The following SUMF1 variants were observed in gnomAD, a reference collection of about 807,000 sequenced individuals.
SUMF1 encodes the protein sulfatase modifying factor 1.
Under a neutral mutation model 47.6 loss-of-function variants are expected in SUMF1, and 48 were observed. The ratio of observed to expected loss-of-function variants is 1.01; its 90% CI spans 0.80 to 1.28. The LOEUF is 1.28. Among genes scored for constraint, SUMF1 ranks in the 50% most tolerant of loss-of-function variants. The pLI is 0.00. For missense variants in SUMF1, 571 were observed against 485.4 expected, an observed-to-expected ratio of 1.18 and a Z score of -1.66; for synonymous variants, 230 against 192.1, an observed-to-expected ratio of 1.20 and a Z score of -1.63.
intron 8 of SUMF1, among the ~76,000 whole-genome samples, chr3:4,252,352 G>GCGCACACACA (rs1553613505): frequency 1.0e-4 from 13 of 129,672 alleles, no homozygotes; most frequent in African/African-American, 3.5e-4. Flanking sequence ...ACACACATGC[G>GCGCACACACA]CACACACACA....
intron 8 of SUMF1, among the ~76,000 whole-genome samples, chr3:4,069,257 A>G (rs1695458217): frequency 1.3e-5 from 2 of 152,154 alleles, no homozygotes; most frequent in Admixed American, 1.3e-4. Context: ...TGATCCGTGT[A>G]GGGTCTTAGG....
chr3:4,401,440 A>T (rs1701208794), intron 7 of SUMF1, among the ~76,000 whole-genome samples: 1 of 152,118 alleles, frequency 6.6e-6, no homozygotes, highest in African/African-American at 2.4e-5. Flanking sequence ...AAATCATTTT[A>T]AAAACACCCT....
At chr3:4,217,836 T>G (rs1226184987) in intron 8 of SUMF1, among the ~76,000 whole-genome samples, 1 of 150,654 alleles carries the variant, frequency 6.6e-6, no homozygotes, top group African/African-American at 2.4e-5. Context: ...AATTAAGTTG[T>G]ATACCAGCTG....
At chr3:4,280,893 T>C (rs1697516405) in intron 8 of SUMF1, among the ~76,000 whole-genome samples, 1 of 151,114 alleles carries the variant, frequency 6.6e-6, no homozygotes. Context: ...AACTTCTTTT[T>C]TTGATAAGGG....
At chr3:4,195,389 G>T (rs1038762394) in intron 8 of SUMF1, among the ~76,000 whole-genome samples, 1 of 152,046 alleles carries the variant, frequency 6.6e-6, no homozygotes, top group African/African-American at 2.4e-5. Flanking sequence ...GGTTCTCAAA[G>T]AACTTATTCA....
intron 8 of SUMF1, among the ~76,000 whole-genome samples, chr3:4,134,843 C>A (rs1441230133): frequency 6.6e-6 from 1 of 152,114 alleles, no homozygotes; most frequent in African/African-American, 2.4e-5. Flanking sequence ...ACTATAAACA[C>A]CTCTACACAA....
At chr3:4,180,192 G>A (rs1695061880) in intron 8 of SUMF1, among the ~76,000 whole-genome samples, 5 of 152,122 alleles carry the variant, frequency 3.3e-5, no homozygotes, top group African/African-American at 1.2e-4. Flanking sequence ...TCCCATTACT[G>A]GGTACATACC....
At chr3:4,209,462 T>C (rs1053037107) in intron 8 of SUMF1, among the ~76,000 whole-genome samples, 1 of 152,170 alleles carries the variant, frequency 6.6e-6, no homozygotes, top group Non-Finnish European at 1.5e-5. Context: ...TGAGAATACT[T>C]CTAAGATCCT....
intron 8 of SUMF1, among the ~76,000 whole-genome samples, chr3:4,106,515 A>G (rs934021408): frequency 6.6e-6 from 1 of 152,184 alleles, no homozygotes; most frequent in Admixed American, 6.5e-5. Context: ...TCAGAACAAT[A>G]TAACAGATAG....
intron 7 of SUMF1, among the ~76,000 whole-genome samples, chr3:4,389,729 T>G (rs1700793889): frequency 6.6e-6 from 1 of 152,190 alleles, no homozygotes; most frequent in African/African-American, 2.4e-5. Flanking sequence ...TTCCCCCCTC[T>G]GTGCCCTCCA....
intron 8 of SUMF1, among the ~76,000 whole-genome samples, chr3:4,253,717 G>A (rs936531984): frequency 4.7e-5 from 7 of 148,956 alleles, no homozygotes; most frequent in Non-Finnish European, 1.0e-4. Flanking sequence ...GCTTGATTAG[G>A]TAAACAAAGC....
intron 8 of SUMF1, chr3:4,303,812 C>A (rs1559211192): frequency 2.2e-6 from 3 of 1,389,134 alleles, no homozygotes; most frequent in Non-Finnish European, 2.9e-6. Context: ...CCTCAGAACT[C>A]AAGGAGGCAT....
At chr3:4,358,248 C>T (rs747686996), downstream of SUMF1, among the ~76,000 whole-genome samples, 15 of 152,078 alleles carry the variant, frequency 9.9e-5, no homozygotes, top group African/African-American at 1.4e-4. Context: ...AAATAAAGAC[C>T]GTCCAGGATT....
chr3:4,061,082 A>G (rs1041638702), intron 9 of SUMF1, among the ~76,000 whole-genome samples: 15 of 152,172 alleles, frequency 9.9e-5, no homozygotes, highest in Admixed American at 3.3e-4. Flanking sequence ...ACTTCAGACA[A>G]ATTAACTTTA....
At chr3:4,072,473 G>A (rs566048170) in intron 8 of SUMF1, among the ~76,000 whole-genome samples, 53 of 152,292 alleles carry the variant, frequency 3.5e-4, no homozygotes, top group African/African-American at 1.3e-3. Flanking sequence ...AAACTGGATA[G>A]AGAATGAGTT....
intron 8 of SUMF1, among the ~76,000 whole-genome samples, chr3:4,292,673 C>T (rs1009800553): frequency 2.0e-5 from 3 of 152,186 alleles, no homozygotes; most frequent in Non-Finnish European, 4.4e-5. Flanking sequence ...GTAAAATTGG[C>T]TATTTCATCT....
intron 8 of SUMF1, among the ~76,000 whole-genome samples, chr3:4,182,458 C>G (rs1695116357): frequency 6.6e-6 from 1 of 150,594 alleles, no homozygotes; most frequent in Non-Finnish European, 1.5e-5. Context: ...CTTTTCTTCC[C>G]CCTTTGCCTT....
intron 8 of SUMF1, among the ~76,000 whole-genome samples, chr3:4,100,343 C>A (rs1693005143): frequency 6.6e-6 from 1 of 151,906 alleles, no homozygotes; most frequent in African/African-American, 2.4e-5. Context: ...AAAACAGACA[C>A]ATCAACCAAA....
intron 8 of SUMF1, among the ~76,000 whole-genome samples, chr3:4,186,977 T>C (rs1333081926): frequency 6.6e-6 from 1 of 152,220 alleles, no homozygotes; most frequent in Non-Finnish European, 1.5e-5. Context: ...AATATGTTAC[T>C]AGCATAACAT....
Sources: gnomAD v4.1 joint callset for allele counts (sites outside exome capture counted in the v4.1 genomes callset) on GRCh38, gnomAD v4.1.1 for gene constraint, MANE v1.5 for transcripts, NCBI Gene and HGNC (gene_info 2026-07-23, HGNC 2026-07-21) for gene names.